Variants in CEP128 observed in about 807,000 individuals in gnomAD.
CEP128 encodes centrosomal protein 128, also known as centrosomal protein 128kDa.
CEP128 carries 132 observed loss-of-function variants against 156.7 expected under a neutral mutation model. That is an observed-to-expected ratio of 0.84 (90% confidence interval 0.73 to 0.97). The LOEUF (loss-of-function observed/expected upper bound fraction) is 0.97. CEP128 is among the 50% of genes least tolerant of loss of function. The pLI, the probability that CEP128 is intolerant of heterozygous loss-of-function variation, is 0.00. For missense variants in CEP128, 1,252 were observed against 1,281.9 expected, an observed-to-expected ratio of 0.98 and a Z score of 0.36; for synonymous variants, 469 against 448.9, an observed-to-expected ratio of 1.04 and a Z score of -0.57.
intron 19 of CEP128, among the ~76,000 whole-genome samples, chr14:80,581,352 C>T (rs1216840845): frequency 6.6e-6 from 1 of 152,100 alleles, no homozygotes; most frequent in Non-Finnish European, 1.5e-5. Context: ...ATATAAGTTA[C>T]AGAAGTCTAA....
intron 13 of CEP128, among the ~76,000 whole-genome samples, chr14:80,823,517 T>C (rs1202016521): frequency 1.3e-5 from 2 of 152,204 alleles, no homozygotes; most frequent in African/African-American, 4.8e-5. Flanking sequence ...TGTTGTATAC[T>C]GTTAACGACT....
At chr14:80,529,776 T>C (rs931725456) in intron 22 of CEP128, among the ~76,000 whole-genome samples, 2 of 152,240 alleles carry the variant, frequency 1.3e-5, no homozygotes, top group African/African-American at 4.8e-5. Flanking sequence ...ACTGCAAATA[T>C]ATAATCAAAT....
At chr14:80,559,453 G>A in intron 20 of CEP128, 151 bp from the exon 21 acceptor site, 1 of 623,620 alleles carries the variant, frequency 1.6e-6, no homozygotes, top group South Asian at 2.5e-5. Flanking sequence ...ATGATCTCTA[G>A]AACAGAAAAA....
rs117465362 is a variant in CEP128 at position 80,934,404 on chromosome 14, C to T, written c.-16+4981G>A. ...TAAAGTAGAAACATACTGGATTTAA[C>T]GATTGGAGCACATAGCTGGAAATCA... On this transcript the variant is annotated intron_variant, in intron 2 of 24. Coordinates refer to ENST00000555265, the MANE Select transcript of CEP128 (RefSeq NM_152446.5). Among the ~76,000 whole-genome samples the T allele has an allele frequency of 8.4e-3, 1,274 of 152,284 alleles. 13 individuals are homozygous for T. The highest frequency in any genetic ancestry group is 0.01 in the Non-Finnish European group (688 of 68,026).
chr14:80,756,174 G>A lies in CEP128; in HGVS notation c.2613+718C>T, dbSNP rs371047589. ...CCAAAACATTCTGAGACAGCAAAAC[G>A]TGTATTCTAAATTCCCTATTCAGGT... On this transcript the variant is annotated intron_variant, in intron 18 of 24. Transcript: ENST00000555265. Among the ~76,000 whole-genome samples, 35 of 152,278 alleles carry A rather than the reference G, an allele frequency of 2.3e-4. 5 individuals are homozygous for A. The highest frequency in any genetic ancestry group is 8.5e-4 in the Admixed American group (13 of 15,296).
intron 19 of CEP128, among the ~76,000 whole-genome samples, chr14:80,673,960 C>T (rs2140940105): frequency 6.6e-6 from 1 of 152,108 alleles, no homozygotes; most frequent in Non-Finnish European, 1.5e-5. Context: ...AATTTTGAAG[C>T]AGCTCAGCAG....
In CEP128 at chr14:80,743,069, A is replaced by G; in HGVS notation, c.2806+6T>C. 1 of 1,612,244 alleles carries G rather than the reference A, an allele frequency of 6.2e-7. No individual in the cohort carries two copies. The highest frequency in any genetic ancestry group is 8.5e-7 in the Non-Finnish European group (1 of 1,178,848). ...AAAGAAAAATGAAAGAACAACTAAC[A>G]CACACCTCTCTTCTCACGATGTATT... is the stretch of plus-strand genomic sequence containing the variant. On this transcript the variant is annotated splice_donor_region_variant and intron_variant, in intron 19 of 24. Transcript: ENST00000555265.
Position 80,505,029 on chromosome 14 carries a change from A to C in CEP128, c.3073-9T>G, listed in dbSNP as rs539610461. The C allele has an allele frequency of 1.4e-6, 2 of 1,458,654 alleles. No homozygotes were observed. Among genetic ancestry groups the C allele is most frequent in the African/African-American group, 2.8e-5 (2 of 71,488 alleles). The allele number at this position is 1,458,654 out of a possible 1,614,324, so 90.4% of individuals were successfully genotyped here. A position where few individuals can be genotyped will look rare whatever the true frequency, so the allele number is the denominator to read the frequency against. ...AGAAAGGTTCTGTCACCCTAAGGAA[A>C]AAAAGGCACAGCATTTCAATGATTA... On this transcript the variant is annotated splice_polypyrimidine_tract_variant and intron_variant, in intron 23 of 24. Coordinates refer to ENST00000555265, the MANE Select transcript of CEP128 (RefSeq NM_152446.5).
chr14:80,663,341 G>A (rs1162423979), intron 19 of CEP128, among the ~76,000 whole-genome samples: 2 of 152,146 alleles, frequency 1.3e-5, no homozygotes, highest in East Asian at 3.9e-4. Context: ...TAGCAAAACT[G>A]ATGTCAACGG....
At chr14:80,623,217 C>A (rs998006773) in intron 19 of CEP128, among the ~76,000 whole-genome samples, 2 of 151,146 alleles carry the variant, frequency 1.3e-5, no homozygotes, top group Non-Finnish European at 2.9e-5. Flanking sequence ...GGACAAAAAA[C>A]CAAACACTGC....
At chr14:80,563,658 C>T (rs548672405) in intron 20 of CEP128, among the ~76,000 whole-genome samples, 44 of 151,042 alleles carry the variant, frequency 2.9e-4, no homozygotes, top group African/African-American at 9.7e-4. Context: ...CTCAGGCTCC[C>T]GAGTAGCTGG....
chr14:80,868,094 C>G (rs1004819505), intron 8 of CEP128, among the ~76,000 whole-genome samples: 1 of 151,954 alleles, frequency 6.6e-6, no homozygotes, highest in Middle Eastern at 3.4e-3. Flanking sequence ...GTGCTGCCAA[C>G]CAAGAATATC....
intron 19 of CEP128, among the ~76,000 whole-genome samples, chr14:80,705,554 G>T (rs1291862930): frequency 6.6e-6 from 1 of 152,114 alleles, no homozygotes; most frequent in Non-Finnish European, 1.5e-5. Flanking sequence ...TGGGAATGGG[G>T]GATTCTGAGG....
At chr14:80,850,408 T>G (rs2140115946) in intron 9 of CEP128, among the ~76,000 whole-genome samples, 1 of 152,328 alleles carries the variant, frequency 6.6e-6, no homozygotes, top group Middle Eastern at 3.4e-3. Context: ...GGTTCAATAC[T>G]GACGACTAGT....
At position 80,857,492 on chromosome 14, in the gene CEP128, G is replaced by A. The variant is rs554290831; in HGVS notation, c.762+5265C>T. 5.3e-5 allele frequency among the ~76,000 whole-genome samples: 8 copies of A among 152,002 alleles called. No individual in the cohort carries two copies. The East Asian group carries it at 1.6e-3, about 29-fold the overall frequency. ...TCCCTCCCGTAATCCCAGCACTTTA[G>A]GAGGCCAAGGTGGGCAAATCACTTG... On this transcript the variant is annotated intron_variant, in intron 9 of 24. Coordinates refer to ENST00000555265, the MANE Select transcript of CEP128 (RefSeq NM_152446.5).
At chr14:80,728,255 T>G (rs2630272) in intron 19 of CEP128, among the ~76,000 whole-genome samples, 94,450 of 151,726 alleles carry the variant, frequency 0.62, 31,696 homozygotes, top group African/African-American at 0.88. Flanking sequence ...GATAATTAAT[T>G]CGGGAACACA....
intron 19 of CEP128, among the ~76,000 whole-genome samples, chr14:80,584,521 T>G (rs775919941): frequency 3.3e-5 from 5 of 152,216 alleles, no homozygotes; most frequent in Middle Eastern, 3.4e-3. Flanking sequence ...TCCCCAAAAT[T>G]GCTCACTCCA....
At chr14:80,496,160 C>T (rs1011141183), downstream of CEP128, among the ~76,000 whole-genome samples, 1 of 152,140 alleles carries the variant, frequency 6.6e-6, no homozygotes, top group Admixed American at 6.6e-5. Context: ...GACATGCATA[C>T]CTGTTTTTGT....
intron 19 of CEP128, among the ~76,000 whole-genome samples, chr14:80,736,919 T>C (rs964174596): frequency 6.6e-6 from 1 of 152,180 alleles, no homozygotes; most frequent in African/African-American, 2.4e-5. Flanking sequence ...GCCAATGTAG[T>C]TTAACTTCAA....
Sources: gnomAD v4.1 joint callset for allele counts (sites outside exome capture counted in the v4.1 genomes callset) on GRCh38, gnomAD v4.1.1 for gene constraint, MANE v1.5 for transcripts, NCBI Gene and HGNC (gene_info 2026-07-23, HGNC 2026-07-21) for gene names.